Variants in PCDH15 observed in about 807,000 individuals in gnomAD.
The protein encoded by PCDH15 is protocadherin related 15, also known as protocadherin-15.
Under a neutral mutation model 178.5 loss-of-function variants are expected in PCDH15, and 129 were observed. The observed-to-expected ratio is 0.72, with a 90% CI of 0.63 to 0.84. The LOEUF (loss-of-function observed/expected upper bound fraction) is 0.84. PCDH15 is among the 40% of genes least tolerant of loss of function. The pLI is 0.00. For missense variants in PCDH15, 2,230 were observed against 2,099.9 expected, an observed-to-expected ratio of 1.06 and a Z score of -1.21; for synonymous variants, 800 against 732.0, an observed-to-expected ratio of 1.09 and a Z score of -1.50.
intron 2 of PCDH15, among the ~76,000 whole-genome samples, chr10:54,980,386 C>A (rs1839201280): frequency 6.6e-6 from 1 of 151,974 alleles, no homozygotes; most frequent in African/African-American, 2.4e-5. Flanking sequence ...TATCACCAGG[C>A]AAAACATTTC....
intron 1 of PCDH15, among the ~76,000 whole-genome samples, chr10:54,732,057 T>C (rs939123850): frequency 6.6e-6 from 1 of 150,670 alleles, no homozygotes; most frequent in Non-Finnish European, 1.5e-5. Flanking sequence ...AACCTGAAAA[T>C]ATGTACATCT....
At chr10:55,539,555 A>G (rs1841709465) in intron 2 of PCDH15, among the ~76,000 whole-genome samples, 1 of 152,076 alleles carries the variant, frequency 6.6e-6, no homozygotes, top group East Asian at 1.9e-4. Context: ...TTCTAATTGT[A>G]ATTCATAGAA....
At chr10:55,131,628 G>A (rs964649621) in intron 2 of PCDH15, among the ~76,000 whole-genome samples, 3 of 152,224 alleles carry the variant, frequency 2.0e-5, no homozygotes, top group South Asian at 2.1e-4. Context: ...CAGCTCTTAA[G>A]AGACCCAAAG....
chr10:54,718,956 A>G (rs141423171), intron 1 of PCDH15, among the ~76,000 whole-genome samples: 5,379 of 151,936 alleles, frequency 0.035, 315 homozygotes, highest in African/African-American at 0.12. Flanking sequence ...CAGTCTCCCA[A>G]AGTGCTAGGA....
intron 37 of PCDH15, chr10:53,808,328 GTGTATATATATATATA>G: frequency 6.2e-6 from 2 of 322,282 alleles, no homozygotes; most frequent in Non-Finnish European, 8.3e-6. Context: ...TAGTGTGTGT[GTGTATATATATATATA>G]TATATATATG....
intron 2 of PCDH15, among the ~76,000 whole-genome samples, chr10:54,618,319 A>G (rs2093247062): frequency 6.6e-6 from 1 of 152,154 alleles, no homozygotes; most frequent in Non-Finnish European, 1.5e-5. Flanking sequence ...AGGTTTAGTT[A>G]TCTTCCTCAT....
At chr10:54,670,063 A>G (rs1199557957) in intron 1 of PCDH15, among the ~76,000 whole-genome samples, 7 of 152,072 alleles carry the variant, frequency 4.6e-5, no homozygotes, top group Admixed American at 2.0e-4. Flanking sequence ...ATTTCAAATA[A>G]AAAGAAAATG....
intron 3 of PCDH15, among the ~76,000 whole-genome samples, chr10:54,420,938 T>G (rs1186278626): frequency 2.0e-5 from 3 of 152,094 alleles, no homozygotes; most frequent in Non-Finnish European, 4.4e-5. Context: ...CATATAAATG[T>G]GATCATTGGT....
intron 1 of PCDH15, among the ~76,000 whole-genome samples, chr10:54,700,496 C>T (rs1425630257): frequency 1.3e-5 from 2 of 151,958 alleles, no homozygotes; most frequent in Admixed American, 6.6e-5. Flanking sequence ...AACTGAAAGA[C>T]AAAATAGCCA....
intron 4 of PCDH15, among the ~76,000 whole-genome samples, 196 bp downstream of exon 4, chr10:54,378,586 A>T (rs1275666943): frequency 2.0e-5 from 3 of 152,130 alleles, no homozygotes; most frequent in African/African-American, 4.8e-5. Flanking sequence ...TTAAAGGGGA[A>T]GTCTAACGGT....
intron 3 of PCDH15, among the ~76,000 whole-genome samples, chr10:54,516,230 A>G (rs1369263416): frequency 6.6e-6 from 1 of 152,204 alleles, no homozygotes; most frequent in African/African-American, 2.4e-5. Flanking sequence ...ACGAGTTGAG[A>G]GAAGAAGGCT....
At chr10:54,606,964 G>A (rs538433312) in intron 2 of PCDH15, 3 of 152,120 alleles carry the variant, frequency 2.0e-5, no homozygotes, top group South Asian at 4.1e-4. Flanking sequence ...ATTCCCTAGA[G>A]TCATAAAACA....
At chr10:55,241,953 T>C (rs2132212959) in intron 1 of PCDH15, among the ~76,000 whole-genome samples, 1 of 152,336 alleles carries the variant, frequency 6.6e-6, no homozygotes, top group South Asian at 2.1e-4. Flanking sequence ...TGTTTGTCTC[T>C]GCATGAGAGT....
chr10:55,098,625 CCAGA>C (rs1391352640), intron 2 of PCDH15, among the ~76,000 whole-genome samples: 2 of 151,956 alleles, frequency 1.3e-5, no homozygotes, highest in Non-Finnish European at 2.9e-5. Context: ...ATGGAGCCAG[CCAGA>C]CAATGACCCC....
chr10:54,003,725 T>A (rs1159980650), intron 20 of PCDH15, among the ~76,000 whole-genome samples: 8 of 111,202 alleles, frequency 7.2e-5, no homozygotes, highest in African/African-American at 1.8e-4. Flanking sequence ...CTAATCTTAC[T>A]CAAACTATTC....
chr10:53,831,252 A>G (rs2076998409), intron 30 of PCDH15, 63 bp downstream of exon 30: 2 of 1,454,840 alleles, frequency 1.4e-6, no homozygotes, highest in Admixed American at 3.3e-5. Flanking sequence ...CCATGTTACC[A>G]GAGATGGTTT....
chr10:54,106,691 A>C (rs1487849494), intron 15 of PCDH15, among the ~76,000 whole-genome samples: 1 of 152,104 alleles, frequency 6.6e-6, no homozygotes, highest in Non-Finnish European at 1.5e-5. Flanking sequence ...GTGGATCCAC[A>C]CACATAAGAA....
chr10:54,025,168 A>G (rs11004006), intron 18 of PCDH15, among the ~76,000 whole-genome samples: 63,371 of 151,804 alleles, frequency 0.42, 14,414 homozygotes, highest in Middle Eastern at 0.64. Context: ...CTGCTTAACT[A>G]TACATCCACT....
At chr10:54,708,876 G>A (rs976883939) in intron 1 of PCDH15, among the ~76,000 whole-genome samples, 1 of 151,812 alleles carries the variant, frequency 6.6e-6, no homozygotes, top group African/African-American at 2.4e-5. Context: ...CTCAGATAAC[G>A]AGCAATAATA....
Sources: allele counts gnomAD v4.1 joint callset (sites outside exome capture counted in the v4.1 genomes callset), GRCh38; gene constraint gnomAD v4.1.1; transcripts MANE v1.5; gene names NCBI Gene and HGNC (gene_info 2026-07-23, HGNC 2026-07-21).